GRIK1: variants seen among roughly 807,000 people sequenced by gnomAD.
GRIK1 encodes the protein glutamate ionotropic receptor kainate type subunit 1, also known as glutamate receptor ionotropic, kainate 1.
Under a neutral mutation model 105.7 loss-of-function variants are expected in GRIK1, and 69 were observed. That is an observed-to-expected ratio of 0.65 (90% CI 0.54 to 0.80). The LOEUF (loss-of-function observed/expected upper bound fraction) is 0.80, where lower values mean the gene tolerates loss of function less well. Ranked by LOEUF, GRIK1 falls within the 30% of genes least tolerant of loss-of-function variation. GRIK1 has a pLI of 0.00. For missense variants in GRIK1, 1,109 were observed against 1,167.3 expected, an observed-to-expected ratio of 0.95 and a Z score of 0.73; for synonymous variants, 438 against 431.3, an observed-to-expected ratio of 1.02 and a Z score of -0.19.
chr21:29,603,696 C>T (rs754678423), intron 7 of GRIK1, among the ~76,000 whole-genome samples: 15 of 152,118 alleles, frequency 9.9e-5, no homozygotes, highest in South Asian at 2.1e-4. Context: ...ATGGGTTAAA[C>T]GAGAGCCATG....
chr21:29,692,075 G>C (rs1568980589), intron 2 of GRIK1, among the ~76,000 whole-genome samples: 1 of 152,164 alleles, frequency 6.6e-6, no homozygotes, highest in Non-Finnish European at 1.5e-5. Context: ...ATAAGCAATG[G>C]ATTGAGATTC....
intron 1 of GRIK1, among the ~76,000 whole-genome samples, chr21:29,927,368 A>G (rs2071406972): frequency 6.6e-6 from 1 of 150,636 alleles, no homozygotes; most frequent in Admixed American, 6.7e-5. Flanking sequence ...ACAACTATAT[A>G]TGTATTTGTA....
intron 1 of GRIK1, among the ~76,000 whole-genome samples, chr21:29,896,954 G>A (rs1024812069): frequency 1.3e-5 from 2 of 152,156 alleles, no homozygotes; most frequent in Admixed American, 6.6e-5. Flanking sequence ...CAGCCTCTGA[G>A]TCTGTGGGTT....
intron 7 of GRIK1, among the ~76,000 whole-genome samples, chr21:29,639,331 C>T (rs1178582841): frequency 6.6e-6 from 1 of 152,182 alleles, no homozygotes; most frequent in Non-Finnish European, 1.5e-5. Context: ...ACTGAAAACG[C>T]ATAGCTTGGA....
chr21:29,863,813 T>C (rs1251441453), intron 1 of GRIK1, among the ~76,000 whole-genome samples: 1 of 152,232 alleles, frequency 6.6e-6, no homozygotes, highest in Non-Finnish European at 1.5e-5. Context: ...TTTACTCATT[T>C]GTTTAGTTTG....
intron 16 of GRIK1, among the ~76,000 whole-genome samples, chr21:29,545,645 C>T (rs140293529): frequency 9.2e-4 from 139 of 150,338 alleles, no homozygotes; most frequent in Middle Eastern, 3.4e-3. Context: ...ATGCACTACA[C>T]GCATAGCTTT....
chr21:29,611,415 TC>T (rs2061727755), intron 7 of GRIK1, among the ~76,000 whole-genome samples: 1 of 152,252 alleles, frequency 6.6e-6, no homozygotes, highest in Admixed American at 6.5e-5. Flanking sequence ...TTTCTGTGAT[TC>T]TTTTTTGAAC....
chr21:29,778,681 G>T (rs1456587018), intron 1 of GRIK1, among the ~76,000 whole-genome samples: 1 of 152,126 alleles, frequency 6.6e-6, no homozygotes, highest in African/African-American at 2.4e-5. Context: ...ATTGCTCTGT[G>T]CTCCCCACAC....
intron 7 of GRIK1, among the ~76,000 whole-genome samples, chr21:29,624,979 T>C (rs561141799): frequency 3.2e-4 from 49 of 152,366 alleles, no homozygotes; most frequent in African/African-American, 1.2e-3. Flanking sequence ...CTCCTGTTCC[T>C]CAGGGTGAGC....
At chr21:29,559,098 G>A (rs569494992) in intron 15 of GRIK1, among the ~76,000 whole-genome samples, 117 of 152,112 alleles carry the variant, frequency 7.7e-4, no homozygotes, top group Non-Finnish European at 1.5e-3. Context: ...TAAAAGCACA[G>A]TTTTTGACTT....
intron 1 of GRIK1, among the ~76,000 whole-genome samples, chr21:29,848,216 T>C (rs919726043): frequency 6.6e-6 from 1 of 152,198 alleles, no homozygotes. Flanking sequence ...TATCTAGAGA[T>C]GCTAAATTCT....
At chr21:29,546,164 C>T (rs2090046929) in intron 16 of GRIK1, among the ~76,000 whole-genome samples, 1 of 152,182 alleles carries the variant, frequency 6.6e-6, no homozygotes, top group Non-Finnish European at 1.5e-5. Flanking sequence ...GTCACATCCA[C>T]ACACCCTGTG....
intron 1 of GRIK1, among the ~76,000 whole-genome samples, chr21:29,818,766 A>G (rs907741819): frequency 2.0e-5 from 3 of 152,014 alleles, no homozygotes; most frequent in Non-Finnish European, 4.4e-5. Flanking sequence ...TACAGAACCC[A>G]CAGTGACACA....
chr21:29,634,870 A>C (rs4642026), intron 7 of GRIK1, among the ~76,000 whole-genome samples: 7,234 of 152,282 alleles, frequency 0.048, 253 homozygotes, highest in Non-Finnish European at 0.072. Context: ...TCTGTATGGA[A>C]CTGGATGGTG....
chr21:29,612,832 A>G (rs1472414337), intron 7 of GRIK1, among the ~76,000 whole-genome samples: 1 of 152,224 alleles, frequency 6.6e-6, no homozygotes, highest in African/African-American at 2.4e-5. Flanking sequence ...CATATTGTTT[A>G]CAAACAAATT....
At chr21:29,537,467 T>G in intron 17 of GRIK1, 82 bp from the exon 18 acceptor site, 1 of 1,118,760 alleles carries the variant, frequency 8.9e-7, no homozygotes, top group Non-Finnish European at 1.3e-6. Flanking sequence ...TAGGTATTTA[T>G]GAACACAAGA....
chr21:29,893,065 TTATAA>T (rs2069963887), intron 1 of GRIK1, among the ~76,000 whole-genome samples: 1 of 152,176 alleles, frequency 6.6e-6, no homozygotes, highest in African/African-American at 2.4e-5. Context: ...CCTACTTTTA[TTATAA>T]TATAAAATAA....
At chr21:29,843,005 ATTTG>A (rs1172019013) in intron 1 of GRIK1, among the ~76,000 whole-genome samples, 1 of 152,078 alleles carries the variant, frequency 6.6e-6, no homozygotes, top group Non-Finnish European at 1.5e-5. Context: ...CAATCCAATT[ATTTG>A]TTTACCTTCT....
chr21:29,678,616 T>A (rs1360057391), intron 3 of GRIK1, among the ~76,000 whole-genome samples: 1 of 152,024 alleles, frequency 6.6e-6, no homozygotes, highest in African/African-American at 2.4e-5. Flanking sequence ...AGGTGGGAGA[T>A]ATGAAGGGTA....
Sources: gnomAD v4.1 joint callset for allele counts (sites outside exome capture counted in the v4.1 genomes callset) on GRCh38, gnomAD v4.1.1 for gene constraint, MANE v1.5 for transcripts, NCBI Gene and HGNC (gene_info 2026-07-23, HGNC 2026-07-21) for gene names.